Variants in MAP3K4 observed in about 807,000 individuals in gnomAD.
MAP3K4 encodes the protein mitogen-activated protein kinase kinase kinase 4, also known as MAP three kinase 1.
A neutral mutation model predicts 185.6 loss-of-function variants in MAP3K4; 67 were observed. The observed-to-expected ratio is 0.36, with a 90% CI of 0.30 to 0.44. The LOEUF is 0.44. MAP3K4 is among the 20% of genes least tolerant of loss of function. The pLI is 1.00. For synonymous variants in MAP3K4, 702 were observed against 710.4 expected (o/e 0.99, Z 0.19); for missense variants, 1,551 against 1,995.1 (o/e 0.78, Z 4.24).
chr6:161,109,783 G>A lies in MAP3K4; in HGVS notation c.4265G>A (p.Cys1422Tyr). ...GAAATGTACATCTTCATGGAGTACT[G>A]CGATGAGGGGACTTTAGAAGAGGTG... ...REEMYIFMEY[C>Y]DEGTLEEVSR... The change falls in exon 23 of 27, where the codon TGC becomes TAC. Residue 1422 changes from cysteine (C) to tyrosine (Y), a missense_variant. By Grantham distance (194) the Cys-to-Tyr change is radical. Around this residue, in one of 16 missense-constraint regions of MAP3K4, gnomAD observed 159 missense variants for 300.5 expected, o/e 0.53. Transcript: ENST00000392142. This position sits in a 1 kb window ranked among gnomAD's most constrained non-coding sequence, Gnocchi z 5.7. 1 of 1,614,166 alleles carries A rather than the reference G, an allele frequency of 6.2e-7. No homozygotes were observed. Among genetic ancestry groups the A allele is most frequent in the Non-Finnish European group, 8.5e-7 (1 of 1,180,028 alleles).
intron 1 of MAP3K4, among the ~76,000 whole-genome samples, chr6:161,030,589 A>C (rs981220492): frequency 2.0e-5 from 3 of 151,642 alleles, no homozygotes; most frequent in Non-Finnish European, 4.4e-5. Flanking sequence ...AATTTTTTGT[A>C]TTTTTTGTAG....
intron 1 of MAP3K4, among the ~76,000 whole-genome samples, chr6:161,027,578 T>C (rs1196034918): frequency 6.6e-6 from 1 of 152,224 alleles, no homozygotes; most frequent in Non-Finnish European, 1.5e-5. Flanking sequence ...TTGTAGATGA[T>C]GCATTGTGCA....
chr6:161,078,672 A>G (rs1441771461), intron 5 of MAP3K4, among the ~76,000 whole-genome samples: 3 of 152,172 alleles, frequency 2.0e-5, no homozygotes, highest in African/African-American at 7.2e-5. Flanking sequence ...AGAAAGGGCC[A>G]CTGGAGATGG....
Position 161,026,321 on chromosome 6 carries a change from A to G in MAP3K4, c.153-7938A>G, listed in dbSNP as rs147387306. ...AATTTTTTTTTTTGTATGTTTAGTAAAGACGGGGTTTCACCATGTTAGCCA... is the reference window on the plus strand; with the variant it reads ...AATTTTTTTTTTTGTATGTTTAGTAGAGACGGGGTTTCACCATGTTAGCCA... On this transcript the variant is annotated intron_variant, in intron 1 of 26. Coordinates refer to ENST00000392142, the MANE Select transcript of MAP3K4 (RefSeq NM_005922.4). 5.5e-3 allele frequency among the ~76,000 whole-genome samples: 841 copies of G among 151,844 alleles called. 3 individuals carry two copies. The highest frequency in any genetic ancestry group is 0.017 in the African/African-American group (716 of 41,436).
intron 1 of MAP3K4, among the ~76,000 whole-genome samples, chr6:161,016,579 C>T (rs987927800): frequency 1.3e-5 from 2 of 152,164 alleles, no homozygotes; most frequent in South Asian, 2.1e-4. Context: ...GTCCTAGCAC[C>T]GTTTGTTAAA....
rs371164209 is a variant in MAP3K4 at position 161,082,355 on chromosome 6, G to C, written c.2255+1317G>C. ...CTTTGTTGAAGAAATGTTTTTAAAGGTTACTCTTTAGTTTCACTACAAATT... is the reference window on the plus strand; with the variant it reads ...CTTTGTTGAAGAAATGTTTTTAAAGCTTACTCTTTAGTTTCACTACAAATT... On this transcript the variant is annotated intron_variant, in intron 6 of 26. Coordinates refer to ENST00000392142, the MANE Select transcript of MAP3K4 (RefSeq NM_005922.4). This position sits in a 1 kb window ranked among gnomAD's most constrained non-coding sequence, Gnocchi z 4.2. Among the ~76,000 whole-genome samples, 1 of 151,910 alleles carries C rather than the reference G, an allele frequency of 6.6e-6. No individual in the cohort carries two copies. Among genetic ancestry groups the C allele is most frequent in the African/African-American group, 2.4e-5 (1 of 41,338 alleles).
At position 161,115,497 on chromosome 6, in the gene MAP3K4, T is replaced by G. The variant is rs928028093; in HGVS notation, c.4806+195T>G. 6.6e-6 allele frequency among the ~76,000 whole-genome samples: 1 copy of G among 152,228 alleles called. No individual in the cohort carries two copies. The highest frequency in any genetic ancestry group is 1.5e-5 in the Non-Finnish European group (1 of 68,044). ...TGTTCATTGAGGTTCTTCCACTTGATCTGTTTTGATGGTGCATTTAAGATA... is the reference window on the plus strand; with the variant it reads ...TGTTCATTGAGGTTCTTCCACTTGAGCTGTTTTGATGGTGCATTTAAGATA... On this transcript the variant is annotated intron_variant, in intron 26 of 26. Coordinates refer to ENST00000392142, the MANE Select transcript of MAP3K4 (RefSeq NM_005922.4). This position sits in a 1 kb window ranked among gnomAD's most constrained non-coding sequence, Gnocchi z 6.0.
intron 18 of MAP3K4, 53 bp downstream of exon 18, chr6:161,102,045 C>A: frequency 1.4e-6 from 2 of 1,413,302 alleles, no homozygotes; most frequent in Non-Finnish European, 2.0e-6. Context: ...TCATTTGTCT[C>A]AGTTCACCAG....
rs1781672752 is a variant in MAP3K4, at chr6:161,007,970, C to T, written c.152+15887C>T. Among the ~76,000 whole-genome samples, 1 of 152,144 alleles carries T rather than the reference C, an allele frequency of 6.6e-6. No individual in the cohort carries two copies. The highest frequency in any genetic ancestry group is 2.1e-4 in the South Asian group (1 of 4,832). The stretch of plus-strand genomic sequence containing the variant: ...TAAAATCAGTGAAGTATGGCCTTGA[C>T]TCTTGCTTCTAATTAAACTTTTTAT... On this transcript the variant is annotated intron_variant, in intron 1 of 26. Coordinates refer to ENST00000392142, the MANE Select transcript of MAP3K4 (RefSeq NM_005922.4). This position sits in a 1 kb window ranked among gnomAD's most constrained non-coding sequence, Gnocchi z 4.5.
chr6:161,111,710 G>A (rs984502806), intron 23 of MAP3K4, 126 bp from the exon 24 acceptor site: 3 of 965,424 alleles, frequency 3.1e-6, no homozygotes, highest in Admixed American at 2.4e-5. Flanking sequence ...CACTTTGTAA[G>A]TCAAGTTTCA....
chr6:161,064,908 G>C lies in MAP3K4; in HGVS notation c.1708-5700G>C, dbSNP rs1040845443. 2.6e-5 allele frequency among the ~76,000 whole-genome samples: 4 copies of C among 152,190 alleles called. No homozygotes were observed. In the East Asian group the frequency reaches 7.7e-4, roughly 29 times the overall value. ...GAGGGACCCATGGGCCAATGCCTTC[G>C]TGGAGTCCAAGGTATTGTCCAAACA... On this transcript the variant is annotated intron_variant, in intron 3 of 26. Coordinates refer to ENST00000392142, the MANE Select transcript of MAP3K4 (RefSeq NM_005922.4). This position sits in a 1 kb window ranked among gnomAD's most constrained non-coding sequence, Gnocchi z 4.3.
chr6:161,041,818 C>G (rs557838336), intron 2 of MAP3K4, among the ~76,000 whole-genome samples: 116 of 151,528 alleles, frequency 7.7e-4, no homozygotes, highest in African/African-American at 2.6e-3. Flanking sequence ...CAGGTGTGGG[C>G]TACTTGTGAT....
Position 160,996,798 on chromosome 6 carries a change from C to A in MAP3K4, c.152+4715C>A, listed in dbSNP as rs1039489503. Among the ~76,000 whole-genome samples the A allele has an allele frequency of 6.6e-6, 1 of 152,188 alleles. No homozygotes were observed. Among genetic ancestry groups the A allele is most frequent in the African/African-American group, 2.4e-5 (1 of 41,440 alleles). ...TGTACACCTGGTTAGTCAGTGTATT[C>A]TCTTGCTTGTAGAAAGCCAAAGTAT... On this transcript the variant is annotated intron_variant, in intron 1 of 26. Coordinates refer to ENST00000392142, the MANE Select transcript of MAP3K4 (RefSeq NM_005922.4). This position sits in a 1 kb window ranked among gnomAD's most constrained non-coding sequence, Gnocchi z 4.5.
At chr6:161,003,884 A>C (rs114481892) in intron 1 of MAP3K4, among the ~76,000 whole-genome samples, 1 of 151,956 alleles carries the variant, frequency 6.6e-6, no homozygotes, top group South Asian at 2.1e-4. Context: ...TATTTTCAAG[A>C]AAGAGTGGCT....
chr6:161,078,225 A>G (rs1785270055), intron 5 of MAP3K4, among the ~76,000 whole-genome samples: 2 of 152,154 alleles, frequency 1.3e-5, no homozygotes, highest in Non-Finnish European at 2.9e-5. Context: ...ACTCCCAGAA[A>G]TGTTATGTGG....
Position 161,109,081 on chromosome 6 carries a change from G to A in MAP3K4, c.4236+222G>A. Reference sequence around the variant, plus strand: ...GTAGTCATTAACCCGACATCATAAAGCACTGAAACCCATCCTGCCATTCAG... The same window carrying A: ...GTAGTCATTAACCCGACATCATAAAACACTGAAACCCATCCTGCCATTCAG... On this transcript the variant is annotated intron_variant, in intron 22 of 26. Transcript: ENST00000392142. This position sits in a 1 kb window ranked among gnomAD's most constrained non-coding sequence, Gnocchi z 5.7. 1.5e-6 allele frequency: 2 copies of A among 1,334,942 alleles called. No homozygotes were observed. Among genetic ancestry groups the A allele is most frequent in the Non-Finnish European group, 2.1e-6 (2 of 968,352 alleles). 82.7% of individuals were successfully genotyped at this position (1,334,942 alleles called of 1,614,324 possible). A position where few individuals can be genotyped will look rare whatever the true frequency, so the allele number is the denominator to read the frequency against.
At chr6:161,021,875 G>A (rs1389222286) in intron 1 of MAP3K4, among the ~76,000 whole-genome samples, 1 of 151,924 alleles carries the variant, frequency 6.6e-6, no homozygotes, top group African/African-American at 2.4e-5. Context: ...AACAGATAAT[G>A]TGTATTTTCA....
At position 161,067,549 on chromosome 6, in the gene MAP3K4, G is replaced by A. The variant is rs938947856; in HGVS notation, c.1708-3059G>A. On this transcript the variant is annotated intron_variant, in intron 3 of 26. Coordinates refer to ENST00000392142, the MANE Select transcript of MAP3K4 (RefSeq NM_005922.4). This position sits in a 1 kb window ranked among gnomAD's most constrained non-coding sequence, Gnocchi z 6.3. ...TCTTGCCTGTTAGGGAAACCCAGGT[G>A]TGTACTAATTTAAGTGCAAAAGTAT... Among the ~76,000 whole-genome samples, 5 of 152,212 alleles carry A rather than the reference G, an allele frequency of 3.3e-5. No homozygotes were observed. The highest frequency in any genetic ancestry group is 7.3e-5 in the Non-Finnish European group (5 of 68,032).
chr6:161,089,616 C>T, intron 11 of MAP3K4, 145 bp downstream of exon 11: 4 of 726,364 alleles, frequency 5.5e-6, no homozygotes, highest in Non-Finnish European at 8.7e-6. Flanking sequence ...TACATATTTT[C>T]TTATGTCTAA....
Sources: gnomAD v4.1 joint callset for allele counts (sites outside exome capture counted in the v4.1 genomes callset) on GRCh38, gnomAD v4.1.1 for gene constraint, gnomAD v4.1.1 regional missense constraint, Gnocchi (gnomAD v3.1) non-coding constraint, MANE v1.5 for transcripts, NCBI Gene and HGNC (gene_info 2026-07-23, HGNC 2026-07-21) for gene names.